Variants in SPAM1 observed in about 807,000 individuals in gnomAD.
SPAM1 encodes sperm adhesion molecule 1.
In SPAM1, 22 loss-of-function variants were observed where a neutral mutation model predicts 29.6. The ratio of observed to expected loss-of-function variants is 0.74; its 90% CI spans 0.53 to 1.06. The LOEUF is 1.06. SPAM1 is among the 50% of genes least tolerant of loss of function. The probability of loss-of-function intolerance (pLI) is 0.00; values close to 1 mark genes in which losing one functional copy is unlikely to be tolerated. For synonymous variants in SPAM1, 194 were observed against 204.6 expected (o/e 0.95, Z 0.44); for missense variants, 534 against 604.0 (o/e 0.88, Z 1.21).
intron 4 of SPAM1, among the ~76,000 whole-genome samples, chr7:123,957,329 G>C (rs187580256): frequency 6.6e-6 from 1 of 152,034 alleles, no homozygotes; most frequent in Non-Finnish European, 1.5e-5. Context: ...AAAAATTAGA[G>C]GAAAGACCAT....
chr7:123,953,609 C>G lies in SPAM1; in HGVS notation c.39C>G (p.Ser13Arg), dbSNP rs184368302. The change falls in exon 3 of 5, where the codon AGC becomes AGG. Residue 13 changes from serine (S) to arginine (R), a missense_variant. Coordinates refer to ENST00000682466, the MANE Select transcript of SPAM1 (RefSeq NM_153189.3). ...VLKFKHIFFR[S>R]FVKSSGVSQI... ...AATTCAAGCACATCTTTTTCAGAAG[C>G]TTTGTTAAATCAAGTGGAGTATCCC... 6.3e-7 allele frequency: 1 copy of G among 1,599,066 alleles called. No individual in the cohort carries two copies. The highest frequency in any genetic ancestry group is 1.4e-5 in the African/African-American group (1 of 73,870).
intron 1 of SPAM1, among the ~76,000 whole-genome samples, chr7:123,944,579 A>G (rs1318304401): frequency 1.3e-5 from 2 of 152,164 alleles, no homozygotes; most frequent in Non-Finnish European, 2.9e-5. Flanking sequence ...GATAATCCTC[A>G]CGTCAGACCT....
chr7:123,941,889 G>A (rs1248905731), intron 1 of SPAM1, among the ~76,000 whole-genome samples: 1 of 152,082 alleles, frequency 6.6e-6, no homozygotes, highest in Non-Finnish European at 1.5e-5. Flanking sequence ...TAGACAGGTA[G>A]GTCCCACATT....
intron 5 of SPAM1, chr7:123,970,192 T>A: frequency 6.5e-7 from 1 of 1,548,690 alleles, no homozygotes; most frequent in South Asian, 1.2e-5. Context: ...TATGGTTTTC[T>A]TACAGTGGAG....
chr7:123,969,292 C>T (rs1055467214), intron 5 of SPAM1, among the ~76,000 whole-genome samples: 12 of 151,942 alleles, frequency 7.9e-5, no homozygotes, highest in African/African-American at 2.7e-4. Context: ...TTTCATTTAA[C>T]GTAGTCCCAT....
At chr7:123,958,027 C>G (rs1385263952) in intron 4 of SPAM1, among the ~76,000 whole-genome samples, 1 of 152,014 alleles carries the variant, frequency 6.6e-6, no homozygotes. Flanking sequence ...AAGATCCATT[C>G]CTTAATCACA....
chr7:123,931,517 A>G (rs866318127), intron 1 of SPAM1, among the ~76,000 whole-genome samples: 6 of 152,302 alleles, frequency 3.9e-5, no homozygotes, highest in African/African-American at 7.2e-5. Context: ...CCCTCAGGCT[A>G]TTAGCATTAG....
intron 1 of SPAM1, among the ~76,000 whole-genome samples, chr7:123,943,636 T>C (rs879652071): frequency 6.6e-6 from 1 of 152,174 alleles, no homozygotes; most frequent in Non-Finnish European, 1.5e-5. Flanking sequence ...ACCAAATATC[T>C]CTTATAAACT....
downstream of SPAM1, among the ~76,000 whole-genome samples, chr7:123,961,684 T>C (rs539589854): frequency 6.6e-6 from 1 of 152,078 alleles, no homozygotes; most frequent in East Asian, 1.9e-4. Flanking sequence ...CTGTATCCTA[T>C]ATGTATTGCT....
intron 1 of SPAM1, among the ~76,000 whole-genome samples, chr7:123,939,085 CTTT>C (rs67180090): frequency 3.7e-4 from 46 of 123,742 alleles, no homozygotes; most frequent in Admixed American, 5.0e-4. Context: ...ATCTTCAAGT[CTTT>C]TTTTTTTTTT....
chr7:123,941,562 G>A (rs1281844413), intron 1 of SPAM1, among the ~76,000 whole-genome samples: 1 of 152,202 alleles, frequency 6.6e-6, no homozygotes, highest in Non-Finnish European at 1.5e-5. Flanking sequence ...TCTCAGGTGA[G>A]CCTCAGTGGG....
chr7:123,960,315 A>G (rs746661953), downstream of SPAM1, among the ~76,000 whole-genome samples: 12 of 151,980 alleles, frequency 7.9e-5, no homozygotes, highest in Non-Finnish European at 1.6e-4. Flanking sequence ...GATAAAATAA[A>G]ACTTGATATA....
intron 4 of SPAM1, among the ~76,000 whole-genome samples, chr7:123,955,741 G>T (rs1051332213): frequency 1.3e-5 from 2 of 151,888 alleles, no homozygotes; most frequent in African/African-American, 4.8e-5. Context: ...ACATTTATGA[G>T]AATTTTTTAA....
chr7:123,966,918 C>CA (rs1218106509), intron 5 of SPAM1, among the ~76,000 whole-genome samples: 1 of 151,064 alleles, frequency 6.6e-6, no homozygotes, highest in Non-Finnish European at 1.5e-5. Flanking sequence ...AAGGTTGAAG[C>CA]AAAAAAAATA....
At chr7:123,962,325 G>C (rs575792464), downstream of SPAM1, among the ~76,000 whole-genome samples, 1 of 151,958 alleles carries the variant, frequency 6.6e-6, no homozygotes, top group Admixed American at 6.6e-5. Flanking sequence ...TTTGACAGCT[G>C]TCTACTCAGA....
chr7:123,938,998 G>A (rs1307127001), intron 1 of SPAM1, among the ~76,000 whole-genome samples: 1 of 151,770 alleles, frequency 6.6e-6, no homozygotes, highest in East Asian at 1.9e-4. Context: ...CTCAGCCTGG[G>A]GTTTAAAAAG....
At position 123,970,301 on chromosome 7, in the gene SPAM1, C is replaced by A. The variant is rs1249311962; in HGVS notation, c.*48+5C>A. On this transcript the variant is annotated splice_donor_5th_base_variant and intron_variant, in intron 6 of 6. Transcript: ENST00000340011. Reference sequence around the variant, plus strand: ...GCCTCTTCCCTTGGCTTACAGGTGACTATCTTCTCCTTGTGTCTTCCATAT... The same window carrying A: ...GCCTCTTCCCTTGGCTTACAGGTGAATATCTTCTCCTTGTGTCTTCCATAT... 3 of 1,531,308 alleles carry A rather than the reference C, an allele frequency of 2.0e-6. No individual in the cohort carries two copies. The South Asian group carries it at 3.6e-5, about 19-fold the overall frequency. The allele number at this position is 1,531,308 out of a possible 1,614,324, so 94.9% of individuals were successfully genotyped here. A position where few individuals can be genotyped will look rare whatever the true frequency, so the allele number is the denominator to read the frequency against.
At chr7:123,942,397 G>T (rs544405009) in intron 1 of SPAM1, among the ~76,000 whole-genome samples, 1 of 152,104 alleles carries the variant, frequency 6.6e-6, no homozygotes, top group Non-Finnish European at 1.5e-5. Context: ...TAAAACAAAG[G>T]TCTCTGAGAT....
At chr7:123,931,239 A>G (rs1231440551) in intron 1 of SPAM1, among the ~76,000 whole-genome samples, 1 of 152,218 alleles carries the variant, frequency 6.6e-6, no homozygotes, top group Non-Finnish European at 1.5e-5. Flanking sequence ...CATAAAAACT[A>G]GAATTTCTTT....
Sources: allele counts gnomAD v4.1 joint callset (sites outside exome capture counted in the v4.1 genomes callset), GRCh38; gene constraint gnomAD v4.1.1; transcripts MANE v1.5; gene names NCBI Gene and HGNC (gene_info 2026-07-23, HGNC 2026-07-21).